The following FOXA2 variants were observed in gnomAD, a reference collection of about 807,000 sequenced individuals.
FOXA2 encodes forkhead box A2.
FOXA2 carries 9 observed loss-of-function variants against 33.3 expected under a neutral mutation model. The observed-to-expected ratio is 0.27, with a 90% CI of 0.16 to 0.47. The LOEUF (loss-of-function observed/expected upper bound fraction) is 0.47, where lower values mean the gene tolerates loss of function less well. Among genes scored for constraint, FOXA2 ranks in the 20% least tolerant of loss-of-function variants. The pLI is 0.99. For synonymous variants in FOXA2, 329 were observed against 289.4 expected (o/e 1.14, Z -1.39); for missense variants, 704 against 659.9 (o/e 1.07, Z -0.73).
At chr20:22,585,081 C>G (rs983664122), upstream of FOXA2, among the ~76,000 whole-genome samples, 1 of 152,300 alleles carries the variant, frequency 6.6e-6, no homozygotes, top group East Asian at 1.9e-4. Flanking sequence ...GCCCCCGCCC[C>G]GTCTCATCGC....
At chr20:22,585,111 T>G (rs1157606152), upstream of FOXA2, among the ~76,000 whole-genome samples, 1 of 152,166 alleles carries the variant, frequency 6.6e-6, no homozygotes, top group Non-Finnish European at 1.5e-5. Context: ...CCGGTGCGCC[T>G]GTCGGAGGGC....
rs1984686879 is a variant in FOXA2 at position 22,584,195 on chromosome 20, G to C, written c.84C>G (p.Pro28=). The C allele has an allele frequency of 1.9e-6, 3 of 1,613,642 alleles. No homozygotes were observed. The highest frequency in any genetic ancestry group is 1.1e-5 in the South Asian group (1 of 91,074). The part of the protein sequence containing the change: ...PSDWSSYYAE[P]EGYSSVSNMN... ...CCTGGAAAAGACGAGCGCTTACCTC[G>C]GGCTCTGCATAGTAGCTGCTCCAGT... is the stretch of plus-strand genomic sequence containing the variant. The change falls in exon 1 of 2, where the codon CCC becomes CCG. Residue 28 remains proline (P), a synonymous_variant. Coordinates refer to ENST00000419308, the MANE Select transcript of FOXA2 (RefSeq NM_021784.5).
rs1984698985 is a variant in FOXA2 at position 22,584,472 on chromosome 20, G to A, written c.-194C>T. The A allele has an allele frequency of 5.0e-6, 3 of 604,248 alleles. No homozygotes were observed. Among genetic ancestry groups the A allele is most frequent in the East Asian group, 2.8e-5 (1 of 35,170 alleles). The allele number at this position is 604,248 out of a possible 1,614,324, so 37.4% of individuals were successfully genotyped here. ...AGTTGGAAGTGGGCGGGAGGTGGGG[G>A]GGGGCGAGGAGCGGAGGAGGCCCAG... On this transcript the variant is annotated 5_prime_UTR_variant, in exon 1 of 2. Coordinates refer to ENST00000419308, the MANE Select transcript of FOXA2 (RefSeq NM_021784.5).
chr20:22,583,663 G>A (rs1171293808), intron 1 of FOXA2, among the ~76,000 whole-genome samples: 1 of 152,198 alleles, frequency 6.6e-6, no homozygotes. Flanking sequence ...CTTGTCCCAG[G>A]GAAACTGCAA....
Position 22,584,265 on chromosome 20 carries a change from G to C in FOXA2, c.14C>G (p.Ser5Cys). MHSA[S>C]SMLGAVKMEG... is the part of the protein sequence containing the mutation. The stretch of plus-strand genomic sequence containing the variant: ...CATCTTCACCGCTCCCAGCATACTG[G>C]AAGCCGAGTGCATGGCAGTTTAAAA... Residue 5 changes from serine to cysteine, a missense_variant, in exon 1 of 2, where the codon TCC becomes TGC. Ser to Cys is a moderately radical substitution (Grantham distance 112). Around this residue, in one of 5 missense-constraint regions of FOXA2, gnomAD observed 304 missense variants for 251.7 expected, o/e 1.21. Transcript: ENST00000419308. The C allele has an allele frequency of 6.2e-7, 1 of 1,613,816 alleles. No individual in the cohort carries two copies. The highest frequency in any genetic ancestry group is 2.2e-5 in the East Asian group (1 of 44,844).
chr20:22,582,324 G>T lies in FOXA2; in HGVS notation c.918C>A (p.Gly306=), dbSNP rs1255734600. 24 of 1,476,060 alleles carry T rather than the reference G, an allele frequency of 1.6e-5. No individual in the cohort carries two copies. Among genetic ancestry groups the T allele is most frequent in the Non-Finnish European group, 2.0e-5 (23 of 1,122,292 alleles). 91.4% of individuals were successfully genotyped at this position (1,476,060 alleles called of 1,614,324 possible). ...AGGCGCTCGAGTGAGGCGACTCGGT[G>T]CCCGCCGGAGTCTCGGAGGCCGGCC... The part of the protein sequence containing the change: ...AAGPASETPA[G]TESPHSSASP... Residue 306 remains glycine, a synonymous_variant, in exon 2 of 2, where the codon GGC becomes GGA. Transcript: ENST00000419308.
In FOXA2 at chr20:22,582,971, C is replaced by A; in HGVS notation, c.271G>T (p.Gly91Cys). ...PSLAGMSPGAGAMAGMGGSAG... is the reference protein window; with the variant it reads ...PSLAGMSPGACAMAGMGGSAG... ...GAGCCGCCCATGCCCGCCATGGCGC[C>A]CGCGCCGGGGGACATCCCCGCCAGG... Residue 91 changes from glycine (G) to cysteine (C), a missense_variant, in exon 2 of 2, where the codon GGC (glycine) becomes TGC (cysteine). This residue lies in a region of FOXA2 where 304 missense variants were observed against 251.7 expected (regional missense o/e 1.21). Transcript: ENST00000419308. The A allele has an allele frequency of 6.2e-7, 1 of 1,601,696 alleles. No homozygotes were observed. Among genetic ancestry groups the A allele is most frequent in the Non-Finnish European group, 8.5e-7 (1 of 1,176,882 alleles).
rs1984578355 is a variant in FOXA2 at position 22,581,779 on chromosome 20, C to T, written c.*71G>A. 3.4e-6 allele frequency: 5 copies of T among 1,458,784 alleles called. No individual in the cohort carries two copies. The Admixed American group carries it at 8.8e-5, about 26-fold the overall frequency. The allele number at this position is 1,458,784 out of a possible 1,614,324, so 90.4% of individuals were successfully genotyped here. A position where few individuals can be genotyped will look rare whatever the true frequency, so the allele number is the denominator to read the frequency against. ...CAACACCGTCTCCCCAAAGTCTCGACCCCCACTTGCTCTCTCACTTGTCCT... is the reference window on the plus strand; with the variant it reads ...CAACACCGTCTCCCCAAAGTCTCGATCCCCACTTGCTCTCTCACTTGTCCT... On this transcript the variant is annotated 3_prime_UTR_variant, in exon 2 of 2. Transcript: ENST00000419308.
chr20:22,584,755 G>A, upstream of FOXA2, among the ~76,000 whole-genome samples: 1 of 151,902 alleles, frequency 6.6e-6, no homozygotes, highest in East Asian at 1.9e-4. Flanking sequence ...AGTGACGTGG[G>A]AGGCTGGTGA....
chr20:22,582,191 C>CCTG lies in FOXA2; in HGVS notation c.1048_1050dup (p.Gln350dup). On this transcript the variant is annotated inframe_insertion, in exon 2 of 2. Coordinates refer to ENST00000419308, the MANE Select transcript of FOXA2 (RefSeq NM_021784.5). ...GGCGGGCCCAGCAGGTGGGCCGCGG[C>CCTG]CTGCTGCTGCTGCCCGGGAGAGGGC... The CCTG allele has an allele frequency of 6.4e-7, 1 of 1,550,850 alleles. No individual in the cohort carries two copies. Among genetic ancestry groups the CCTG allele is most frequent in the Middle Eastern group, 1.7e-4 (1 of 5,828 alleles).
At position 22,582,188 on chromosome 20, in the gene FOXA2, C is replaced by T. The variant is rs1984597290; in HGVS notation, c.1054G>A (p.Ala352Thr). The part of the protein sequence containing the change: ...APSPGQQQQA[A>T]AHLLGPPHHP... ...TGGGGCGGGCCCAGCAGGTGGGCCG[C>T]GGCCTGCTGCTGCTGCCCGGGAGAG... Residue 352 changes from alanine to threonine, a missense_variant, in exon 2 of 2, where the codon GCG (alanine) becomes ACG (threonine). By Grantham distance (58) the Ala-to-Thr change is moderately conservative (BLOSUM62 0). This residue lies in a region of FOXA2 where 343 missense variants were observed against 274.8 expected (regional missense o/e 1.25). Transcript: ENST00000419308. The T allele has an allele frequency of 6.4e-7, 1 of 1,551,312 alleles. No homozygotes were observed. The highest frequency in any genetic ancestry group is 1.4e-5 in the African/African-American group (1 of 73,114).
upstream of FOXA2, among the ~76,000 whole-genome samples, chr20:22,585,028 G>A (rs553952300): frequency 7.2e-5 from 11 of 152,204 alleles, no homozygotes; most frequent in East Asian, 2.0e-3. Context: ...GAGGAAGGAG[G>A]GACCTGGGAG....
chr20:22,582,093 G>A lies in FOXA2; in HGVS notation c.1149C>T (p.Ser383=). Residue 383 remains serine (S), a synonymous_variant, in exon 2 of 2, where the codon TCC becomes TCT. Coordinates refer to ENST00000419308, the MANE Select transcript of FOXA2 (RefSeq NM_021784.5). ...EHHYAFNHPF[S]INNLMSSEQQ... is the part of the protein sequence containing the mutation. The stretch of plus-strand genomic sequence containing the variant: ...GCTCCGAGGACATGAGGTTGTTGAT[G>A]GAGAACGGGTGGTTGAAGGCGTAGT... 1.2e-6 allele frequency: 2 copies of A among 1,612,816 alleles called. No homozygotes were observed. Among genetic ancestry groups the A allele is most frequent in the Non-Finnish European group, 1.7e-6 (2 of 1,179,328 alleles).
In FOXA2 at chr20:22,581,702, T is replaced by C; in HGVS notation, c.*148A>G. On this transcript the variant is annotated 3_prime_UTR_variant, in exon 2 of 2. Coordinates refer to ENST00000419308, the MANE Select transcript of FOXA2 (RefSeq NM_021784.5). ...GCAGCGGGTGAAGAAGACTGCTGTCTTGGGGGTGTTGGGGTGGGGGTGTTA... is the reference window on the plus strand; with the variant it reads ...GCAGCGGGTGAAGAAGACTGCTGTCCTGGGGGTGTTGGGGTGGGGGTGTTA... The C allele has an allele frequency of 1.4e-6, 1 of 720,604 alleles. No individual in the cohort carries two copies. Among genetic ancestry groups the C allele is most frequent in the South Asian group, 1.8e-5 (1 of 55,986 alleles). The allele number at this position is 720,604 out of a possible 1,614,324, so 44.6% of individuals were successfully genotyped here.
In FOXA2 at chr20:22,584,542, G is replaced by A; in HGVS notation, c.-264C>T. ...GAGCACCCGCCGCCGCCGCGCTCAC[G>A]GGCTGCCGGGTGGCGGCTGAGGTTG... On this transcript the variant is annotated 5_prime_UTR_variant, in exon 1 of 2. Coordinates refer to ENST00000419308, the MANE Select transcript of FOXA2 (RefSeq NM_021784.5). 1 of 462,182 alleles carries A rather than the reference G, an allele frequency of 2.2e-6. No homozygotes were observed. 28.6% of individuals were successfully genotyped at this position (462,182 alleles called of 1,614,324 possible).
rs2122994363 is a variant in FOXA2, at chr20:22,582,886, A to G, written c.356T>C (p.Leu119Pro). 1 of 1,574,128 alleles carries G rather than the reference A, an allele frequency of 6.4e-7. No homozygotes were observed. The change falls in exon 2 of 2, where the codon CTC (leucine) becomes CCC (proline). Residue 119 changes from leucine (L) to proline (P), a missense_variant. This residue lies in a region of FOXA2 where 304 missense variants were observed against 251.7 expected (regional missense o/e 1.21). Coordinates refer to ENST00000419308, the MANE Select transcript of FOXA2 (RefSeq NM_021784.5). ...CATGGCCCCGGCCGCCTGCCCCCCG[A>G]GCGGGCTCAGGCTGGGACTCAAGTG... ...GPHLSPSLSP[L>P]GGQAAGAMGG... is the part of the protein sequence containing the mutation.
Position 22,582,987 on chromosome 20 carries a change from C to A in FOXA2, c.255G>T (p.Gly85=), listed in dbSNP as rs759593310. 1.2e-6 allele frequency: 2 copies of A among 1,605,694 alleles called. No individual in the cohort carries two copies. The highest frequency in any genetic ancestry group is 1.7e-6 in the Non-Finnish European group (2 of 1,178,142). The change falls in exon 2 of 2, where the codon GGG becomes GGT. Residue 85 remains glycine (G), a synonymous_variant. Coordinates refer to ENST00000419308, the MANE Select transcript of FOXA2 (RefSeq NM_021784.5). ...CCATGGCGCCCGCGCCGGGGGACAT[C>A]CCCGCCAGGGACGGGCTCATGCCAG... ...VGAGMSPSLA[G]MSPGAGAMAG...
rs375732034 is a variant in FOXA2, at chr20:22,583,198, C to T, written c.88-44G>A. 4.6e-5 allele frequency: 73 copies of T among 1,595,778 alleles called. No homozygotes were observed. The African/African-American group carries it at 7.3e-4, about 16-fold the overall frequency. On this transcript the variant is annotated intron_variant, in intron 1 of 1. Coordinates refer to ENST00000419308, the MANE Select transcript of FOXA2 (RefSeq NM_021784.5). Reference sequence around the variant, plus strand: ...GAGGGAGGCGACAGCGTTAGCACCGCGGCTGGAGGGTGCCCAGACCTCCCA... The same window carrying T: ...GAGGGAGGCGACAGCGTTAGCACCGTGGCTGGAGGGTGCCCAGACCTCCCA...
rs555014032 is a variant in FOXA2 at position 22,584,096 on chromosome 20, C to A, written c.87+96G>T. On this transcript the variant is annotated intron_variant, in intron 1 of 1. Transcript: ENST00000419308. The stretch of plus-strand genomic sequence containing the variant: ...GCCCAGAAAGGCTGGGGTTGTGGGG[C>A]GGGGTGGGGGGGTGCCAGCGAGGGA... 4.2e-5 allele frequency: 45 copies of A among 1,078,740 alleles called. No homozygotes were observed. The East Asian group carries it at 1.2e-3, about 29-fold the overall frequency. The allele number at this position is 1,078,740 out of a possible 1,614,324, so 66.8% of individuals were successfully genotyped here.
Sources: allele counts gnomAD v4.1 joint callset (sites outside exome capture counted in the v4.1 genomes callset), GRCh38; gene constraint gnomAD v4.1.1; regional missense constraint gnomAD v4.1.1; transcripts MANE v1.5; gene names NCBI Gene and HGNC (gene_info 2026-07-23, HGNC 2026-07-21).